Variants in PHACTR1 observed in about 807,000 individuals in gnomAD.
PHACTR1 encodes the protein phosphatase and actin regulator 1.
In PHACTR1, 16 loss-of-function variants were observed where a neutral mutation model predicts 69.2. The ratio of observed to expected loss-of-function variants is 0.23; its 90% confidence interval spans 0.16 to 0.35. PHACTR1 has a LOEUF of 0.35. Among genes scored for constraint, PHACTR1 ranks in the 10% least tolerant of loss-of-function variants. The pLI, the probability that PHACTR1 is intolerant of heterozygous loss-of-function variation, is 1.00. For missense variants in PHACTR1, 510 were observed against 734.7 expected, an observed-to-expected ratio of 0.69 and a Z score of 3.54; for synonymous variants, 312 against 284.5, an observed-to-expected ratio of 1.10 and a Z score of -0.97.
intron 4 of PHACTR1, among the ~76,000 whole-genome samples, chr6:12,750,998 G>A (rs113692777): frequency 2.0e-5 from 3 of 151,902 alleles, no homozygotes; most frequent in East Asian, 1.9e-4. Flanking sequence ...GTGTGTGCGC[G>A]TGCGTGCGCG....
chr6:12,778,015 C>T (rs976987989), intron 4 of PHACTR1, among the ~76,000 whole-genome samples: 1 of 152,128 alleles, frequency 6.6e-6, no homozygotes, highest in African/African-American at 2.4e-5. Flanking sequence ...TGTGTTGGCC[C>T]CACAGCAGCT....
At chr6:12,912,149 C>T (rs535246053) in intron 4 of PHACTR1, among the ~76,000 whole-genome samples, 30 of 152,192 alleles carry the variant, frequency 2.0e-4, no homozygotes, top group Non-Finnish European at 3.7e-4. Context: ...AGGCATGCAC[C>T]ACCATGCCTG....
intron 4 of PHACTR1, among the ~76,000 whole-genome samples, chr6:12,953,497 G>A (rs183829871): frequency 1.3e-5 from 2 of 152,244 alleles, no homozygotes; most frequent in Admixed American, 1.3e-4. Context: ...TTGCAAATAA[G>A]TTAACAAATA....
chr6:13,285,983 A>G (rs1781610493), intron 13 of PHACTR1, among the ~76,000 whole-genome samples, 163 bp from the exon 14 acceptor site: 1 of 152,192 alleles, frequency 6.6e-6, no homozygotes, highest in Non-Finnish European at 1.5e-5. Context: ...TCTTTGTTTT[A>G]AAGGACATCT....
At chr6:13,144,933 A>T (rs891124513) in intron 5 of PHACTR1, among the ~76,000 whole-genome samples, 1 of 152,218 alleles carries the variant, frequency 6.6e-6, no homozygotes, top group Admixed American at 6.5e-5. Context: ...ATAGGCAAAG[A>T]TACAAGTAGA....
At chr6:12,889,879 G>C (rs1784010633) in intron 4 of PHACTR1, among the ~76,000 whole-genome samples, 1 of 144,872 alleles carries the variant, frequency 6.9e-6, no homozygotes, top group African/African-American at 2.6e-5. Flanking sequence ...TAAACATGTA[G>C]TCCCACCTGG....
intron 5 of PHACTR1, among the ~76,000 whole-genome samples, chr6:13,121,599 A>C (rs1818743332): frequency 6.6e-6 from 1 of 152,204 alleles, no homozygotes; most frequent in Non-Finnish European, 1.5e-5. Flanking sequence ...AATTTGATGA[A>C]TGTGAATTTA....
At chr6:13,238,536 C>G (rs547136729) in intron 10 of PHACTR1, among the ~76,000 whole-genome samples, 26 of 152,146 alleles carry the variant, frequency 1.7e-4, no homozygotes, top group African/African-American at 6.3e-4. Flanking sequence ...TAATATGTAC[C>G]AAGGATTATG....
At chr6:13,072,286 T>A (rs977920538) in intron 5 of PHACTR1, among the ~76,000 whole-genome samples, 1 of 152,222 alleles carries the variant, frequency 6.6e-6, no homozygotes, top group Non-Finnish European at 1.5e-5. Context: ...TTTAGATCAG[T>A]CATTTAACTT....
At chr6:12,782,770 G>A (rs143130301) in intron 4 of PHACTR1, among the ~76,000 whole-genome samples, 21 of 152,230 alleles carry the variant, frequency 1.4e-4, no homozygotes, top group African/African-American at 4.8e-4. Context: ...GAAAATATAG[G>A]TTCTGGATGG....
At chr6:13,180,898 C>CT (rs1365361301) in intron 6 of PHACTR1, among the ~76,000 whole-genome samples, 1 of 152,050 alleles carries the variant, frequency 6.6e-6, no homozygotes, top group East Asian at 1.9e-4. Flanking sequence ...GTCTGCACTG[C>CT]TTTTGCTTTC....
At chr6:12,815,760 C>T (rs1775507684) in intron 4 of PHACTR1, among the ~76,000 whole-genome samples, 1 of 152,192 alleles carries the variant, frequency 6.6e-6, no homozygotes, top group African/African-American at 2.4e-5. Context: ...TTGTCCTTTT[C>T]CCCAGTCTAG....
intron 3 of PHACTR1, among the ~76,000 whole-genome samples, chr6:12,738,349 C>T (rs1764571098): frequency 6.6e-6 from 1 of 152,144 alleles, no homozygotes; most frequent in Non-Finnish European, 1.5e-5. Context: ...TTTAATTGCT[C>T]GTGAAGGTGC....
At chr6:12,894,027 CTG>C (rs1784405801) in intron 4 of PHACTR1, among the ~76,000 whole-genome samples, 3 of 152,316 alleles carry the variant, frequency 2.0e-5, no homozygotes, top group South Asian at 4.1e-4. Context: ...CACTGGCTGA[CTG>C]TGGGATTTTT....
intron 4 of PHACTR1, among the ~76,000 whole-genome samples, chr6:12,752,045 T>C (rs1766687761): frequency 6.6e-6 from 1 of 152,186 alleles, no homozygotes; most frequent in Admixed American, 6.5e-5. Context: ...CCACCTACAT[T>C]TGCTGCCTAT....
At chr6:12,911,828 T>G (rs1489112774) in intron 4 of PHACTR1, among the ~76,000 whole-genome samples, 1 of 152,212 alleles carries the variant, frequency 6.6e-6, no homozygotes, top group Non-Finnish European at 1.5e-5. Context: ...TTAAAGTAGC[T>G]AAGTCTTCTC....
intron 4 of PHACTR1, among the ~76,000 whole-genome samples, chr6:13,050,369 C>A (rs1805758258): frequency 6.6e-6 from 1 of 152,138 alleles, no homozygotes; most frequent in South Asian, 2.1e-4. Flanking sequence ...TGTTATTTTA[C>A]CACTGCTGCG....
chr6:13,219,333 A>T lies in PHACTR1; in HGVS notation c.987-8483A>T, dbSNP rs114919681. Among the ~76,000 whole-genome samples, 549 of 152,226 alleles carry T rather than the reference A, an allele frequency of 3.6e-3. 5 individuals are homozygous for T. Among genetic ancestry groups the T allele is most frequent in the African/African-American group, 0.013 (532 of 41,518 alleles). ...ACAAAGTCCTCATCCTTGTGAGCTT[A>T]CTCGTTAGTGGGAGCGACAGGTAAT... On this transcript the variant is annotated intron_variant, in intron 8 of 14. Transcript: ENST00000332995.
intron 4 of PHACTR1, among the ~76,000 whole-genome samples, chr6:12,798,528 A>C (rs1773345719): frequency 6.6e-6 from 1 of 152,228 alleles, no homozygotes; most frequent in Non-Finnish European, 1.5e-5. Flanking sequence ...AAGTAAATAA[A>C]GCATGATAGA....
Sources: gnomAD v4.1 joint callset for allele counts (sites outside exome capture counted in the v4.1 genomes callset) on GRCh38, gnomAD v4.1.1 for gene constraint, MANE v1.5 for transcripts, NCBI Gene and HGNC (gene_info 2026-07-23, HGNC 2026-07-21) for gene names.